CTBP2: variants seen among roughly 807,000 people sequenced by gnomAD.
The protein encoded by CTBP2 is C-terminal binding protein 2, also known as C-terminal-binding protein 2.
Under a neutral mutation model 80.3 loss-of-function variants are expected in CTBP2, and 30 were observed. That is an observed-to-expected ratio of 0.37 (90% CI 0.28 to 0.51). The LOEUF is 0.51. CTBP2 is among the 20% of genes least tolerant of loss of function. The pLI is 0.93. For synonymous variants in CTBP2, 594 were observed against 587.4 expected, an observed-to-expected ratio of 1.01 and a Z score of -0.16; for missense variants, 1,212 against 1,375.3, an observed-to-expected ratio of 0.88 and a Z score of 1.88.
chr10:125,159,678 C>T (rs955415654), intron 1 of CTBP2, among the ~76,000 whole-genome samples: 6 of 149,742 alleles, frequency 4.0e-5, no homozygotes, highest in East Asian at 2.0e-4. Context: ...CCGCTCACGC[C>T]CCGACTTCCC....
At chr10:125,058,400 C>T (rs1964361917) in intron 2 of CTBP2, among the ~76,000 whole-genome samples, 5 of 152,202 alleles carry the variant, frequency 3.3e-5, no homozygotes, top group Admixed American at 3.3e-4. Flanking sequence ...TTCCTCTCCC[C>T]CTGAGTTTTG....
upstream of CTBP2, among the ~76,000 whole-genome samples, chr10:125,032,261 T>C (rs1051986216): frequency 2.6e-5 from 4 of 152,190 alleles, no homozygotes; most frequent in Non-Finnish European, 5.9e-5. Flanking sequence ...CTCCGCACAG[T>C]AGGTGCTCAA....
chr10:125,134,006 T>C (rs1856581694), intron 1 of CTBP2, among the ~76,000 whole-genome samples: 1 of 152,138 alleles, frequency 6.6e-6, no homozygotes, highest in African/African-American at 2.4e-5. Flanking sequence ...ATGTAAAACT[T>C]AGCAGGTAGG....
In CTBP2 at chr10:124,987,749, A is replaced by G. The variant is rs1245610466; in HGVS notation, c.*1769T>C. ...GGCAAGCCAAAGGCTTTAAGACACC[A>G]TGATTTTCTTGTTTTGTTTTAATTG... On this transcript the variant is annotated 3_prime_UTR_variant, in exon 9 of 9. Transcript: ENST00000309035. 6.6e-6 allele frequency: 1 copy of G among 152,200 alleles called. No individual in the cohort carries two copies. Among genetic ancestry groups the G allele is most frequent in the Non-Finnish European group, 1.5e-5 (1 of 68,034 alleles). The allele number at this position is 152,200 out of a possible 1,614,324, so 9.4% of individuals were successfully genotyped here.
At chr10:125,056,361 G>T (rs368532774) in intron 2 of CTBP2, among the ~76,000 whole-genome samples, 1 of 152,170 alleles carries the variant, frequency 6.6e-6, no homozygotes, top group Non-Finnish European at 1.5e-5. Flanking sequence ...AGGCGTGCAC[G>T]CCATGGAGGA....
chr10:125,152,616 A>T (rs1021318802), intron 1 of CTBP2, among the ~76,000 whole-genome samples: 4 of 152,144 alleles, frequency 2.6e-5, no homozygotes, highest in Non-Finnish European at 5.9e-5. Context: ...TTTAAGATCA[A>T]AAACATTCCC....
At chr10:125,032,716 A>G (rs1958384753), upstream of CTBP2, 1 of 154,806 alleles carries the variant, frequency 6.5e-6, no homozygotes, top group Non-Finnish European at 1.5e-5. Context: ...GCTGTAAATC[A>G]AACTGTCGAC....
intron 1 of CTBP2, among the ~76,000 whole-genome samples, chr10:125,154,944 A>G (rs192231268): frequency 3.3e-5 from 5 of 152,356 alleles, no homozygotes; most frequent in Admixed American, 3.3e-4. Flanking sequence ...AAACTACTTT[A>G]AAGTCAGGAG....
intron 4 of CTBP2, chr10:124,996,768 G>A (rs1003831800): frequency 6.6e-6 from 1 of 152,212 alleles, no homozygotes; most frequent in Admixed American, 6.5e-5. Context: ...AGATGGAGAT[G>A]AAGCTGCATC....
At chr10:125,114,899 G>A (rs1003985387) in intron 1 of CTBP2, among the ~76,000 whole-genome samples, 3 of 149,732 alleles carry the variant, frequency 2.0e-5, no homozygotes, top group African/African-American at 7.4e-5. Flanking sequence ...CCAAGTGCCC[G>A]CTTACCTACG....
intron 2 of CTBP2, among the ~76,000 whole-genome samples, chr10:125,084,532 G>A (rs1847689924): frequency 6.6e-6 from 1 of 152,116 alleles, no homozygotes; most frequent in Non-Finnish European, 1.5e-5. Context: ...TGGGAAGGGA[G>A]GGCGTGAGGA....
intron 1 of CTBP2, among the ~76,000 whole-genome samples, chr10:125,006,923 G>A (rs911871311): frequency 1.3e-5 from 2 of 152,200 alleles, no homozygotes; most frequent in South Asian, 2.1e-4. Flanking sequence ...TTTTCCATGC[G>A]TACAGACCAC....
chr10:125,005,842 A>AC, intron 1 of CTBP2: 2 of 1,585,544 alleles, frequency 1.3e-6, no homozygotes, highest in Non-Finnish European at 8.6e-7. Flanking sequence ...AGTGAGGAAC[A>AC]CCCCAACTTC....
rs375267726 is a variant in CTBP2 at position 125,108,433 on chromosome 10, T to C, written c.-102+2557A>G. 3.9e-4 allele frequency among the ~76,000 whole-genome samples: 60 copies of C among 152,368 alleles called. No individual in the cohort carries two copies. The South Asian group carries it at 0.012, about 30-fold the overall frequency. ...GATTTTCATCTACCTCCTTCTTCTG[T>C]GCCCACATTTTAAAAGATGTGTCTA... On this transcript the variant is annotated intron_variant, in intron 2 of 10. Coordinates refer to the CTBP2 transcript ENST00000337195.
rs764829625 is a variant in CTBP2, at chr10:124,993,190, G to A, written c.2659+12C>T. On this transcript the variant is annotated intron_variant, in intron 7 of 8. Coordinates refer to ENST00000309035, the MANE Select transcript of CTBP2 (RefSeq NM_022802.3). ...GCTGCCCTTGGCAGGCCAGAGGCAC[G>A]GAGGGGCTCACCTGTGATGGCTCGG... 2.2e-5 allele frequency: 35 copies of A among 1,588,506 alleles called. No individual in the cohort carries two copies. Among genetic ancestry groups the A allele is most frequent in the Middle Eastern group, 2.2e-4 (1 of 4,510 alleles).
intron 1 of CTBP2, among the ~76,000 whole-genome samples, chr10:125,158,428 C>T (rs1001123730): frequency 1.3e-5 from 2 of 152,164 alleles, no homozygotes; most frequent in Admixed American, 1.3e-4. Flanking sequence ...TCAAAATTAT[C>T]CATGTCAGAT....
chr10:125,068,114 G>A (rs539698982), intron 2 of CTBP2, among the ~76,000 whole-genome samples: 1 of 152,274 alleles, frequency 6.6e-6, no homozygotes, highest in African/African-American at 2.4e-5. Flanking sequence ...GAAGATGACA[G>A]CCAATTTCAC....
rs372465915 is a variant in CTBP2, at chr10:124,995,801, GCTCT to G, written c.2186-1122_2186-1119del. On this transcript the variant is annotated intron_variant, in intron 4 of 8. Transcript: ENST00000309035. ...GGTGGCAGGGACGGAGTGAGAGATG[GCTCT>G]CTGACGCACTGGCAACATGAAACTG... 3.0e-4 allele frequency among the ~76,000 whole-genome samples: 45 copies of G among 152,294 alleles called. No individual in the cohort carries two copies. In the East Asian group the frequency reaches 6.8e-3, roughly 23 times the overall value.
Position 125,026,158 on chromosome 10 carries a change from A to T in CTBP2, c.1602T>A (p.Pro534=). The change falls in exon 1 of 9, where the codon CCT becomes CCA. Residue 534 remains proline (P), a synonymous_variant. Transcript: ENST00000309035. ...GGGCCACCTTCTGGTACGGTGAGTG[A>T]GGCGTGTGGAGGCTCTGGCTGGCCG... The T allele has an allele frequency of 6.2e-7, 1 of 1,608,936 alleles. No homozygotes were observed. Among genetic ancestry groups the T allele is most frequent in the Non-Finnish European group, 8.5e-7 (1 of 1,176,276 alleles).
Sources: allele counts gnomAD v4.1 joint callset (sites outside exome capture counted in the v4.1 genomes callset), GRCh38; gene constraint gnomAD v4.1.1; transcripts MANE v1.5; gene names NCBI Gene and HGNC (gene_info 2026-07-23, HGNC 2026-07-21).